The following CFAP46 variants were observed in gnomAD, a reference collection of about 807,000 sequenced individuals.
CFAP46 encodes the protein cilia- and flagella-associated protein 46.
Under a neutral mutation model 325.7 loss-of-function variants are expected in CFAP46, and 245 were observed. That is an observed-to-expected ratio of 0.75 (90% confidence interval 0.68 to 0.84). The LOEUF (loss-of-function observed/expected upper bound fraction) is 0.84, where lower values mean the gene tolerates loss of function less well. Ranked by LOEUF, CFAP46 falls within the 40% of genes least tolerant of loss-of-function variation. The pLI, the probability that CFAP46 is intolerant of heterozygous loss-of-function variation, is 0.00. For synonymous variants in CFAP46, 1,523 were observed against 1,495.9 expected (o/e 1.02, Z -0.42); for missense variants, 3,346 against 3,543.0 (o/e 0.94, Z 1.41).
At chr10:132,821,624 G>C (rs1847833468) in intron 50 of CFAP46, among the ~76,000 whole-genome samples, 2 of 139,246 alleles carry the variant, frequency 1.4e-5, no homozygotes, top group Non-Finnish European at 3.1e-5. Context: ...GATGTGTGCT[G>C]TGTGTGTGCT....
At chr10:132,900,358 C>T (rs1451825762) in intron 22 of CFAP46, among the ~76,000 whole-genome samples, 1 of 152,238 alleles carries the variant, frequency 6.6e-6, no homozygotes, top group Non-Finnish European at 1.5e-5. Flanking sequence ...TTCGCTGCTC[C>T]AGGGCTGCCG....
chr10:132,864,285 C>CA lies in CFAP46; in HGVS notation c.4890+1739_4890+1740insT, dbSNP rs1564783559. ...TCTGAGACCTGCACACACCTGTCCCCCTGCCTGAGACCTGTACACACCTGT... is the reference window on the plus strand; with the variant it reads ...TCTGAGACCTGCACACACCTGTCCCCACTGCCTGAGACCTGTACACACCTGT... On this transcript the variant is annotated intron_variant, in intron 35 of 57. Transcript: ENST00000368586. Among the ~76,000 whole-genome samples the CA allele has an allele frequency of 2.3e-3, 303 of 129,054 alleles. 2 individuals are homozygous for CA. Among genetic ancestry groups the CA allele is most frequent in the Non-Finnish European group, 4.2e-3 (241 of 57,150 alleles). 84.7% of individuals were successfully genotyped at this position (129,054 alleles called of 152,430 possible).
At chr10:132,821,855 G>A (rs1435467842) in intron 50 of CFAP46, among the ~76,000 whole-genome samples, 1 of 146,446 alleles carries the variant, frequency 6.8e-6, no homozygotes, top group Non-Finnish European at 1.5e-5. Context: ...GAGCGCTGAT[G>A]TGTGCTGTGT....
At chr10:132,848,413 C>T (rs994335498) in intron 41 of CFAP46, among the ~76,000 whole-genome samples, 3 of 152,162 alleles carry the variant, frequency 2.0e-5, no homozygotes, top group Non-Finnish European at 4.4e-5. Context: ...AACCAAGCTG[C>T]GGCAGCACTG....
intron 50 of CFAP46, among the ~76,000 whole-genome samples, chr10:132,815,395 C>T (rs751537331): frequency 3.3e-5 from 5 of 152,208 alleles, no homozygotes; most frequent in African/African-American, 7.2e-5. Flanking sequence ...CAGCAGACAG[C>T]GGAATGGACG....
intron 34 of CFAP46, among the ~76,000 whole-genome samples, chr10:132,866,755 A>G (rs755238682): frequency 9.9e-5 from 15 of 152,232 alleles, no homozygotes; most frequent in South Asian, 8.3e-4. Flanking sequence ...GCCAGGTCAC[A>G]GGAAGCATGG....
intron 27 of CFAP46, among the ~76,000 whole-genome samples, chr10:132,882,828 G>A (rs1252201297): frequency 6.6e-6 from 1 of 152,036 alleles, no homozygotes; most frequent in Non-Finnish European, 1.5e-5. Context: ...CAGCTGTGGA[G>A]GCCGATGGTG....
rs749794959 is a variant in CFAP46 at position 132,934,725 on chromosome 10, T to A, written c.866+27A>T. 4.4e-6 allele frequency: 6 copies of A among 1,371,240 alleles called. No homozygotes were observed. The East Asian group carries it at 1.1e-4, about 26-fold the overall frequency. The allele number at this position is 1,371,240 out of a possible 1,614,324, so 84.9% of individuals were successfully genotyped here. A position where few individuals can be genotyped will look rare whatever the true frequency, so the allele number is the denominator to read the frequency against. On this transcript the variant is annotated intron_variant, in intron 8 of 57. Transcript: ENST00000368586. ...ATTTTGTACAACGATTATGAAGATG[T>A]GATATTGGAAAAATACAAACACTTA...
intron 17 of CFAP46, among the ~76,000 whole-genome samples, chr10:132,915,035 C>T (rs145304557): frequency 0.014 from 2,136 of 152,396 alleles, 31 homozygotes; most frequent in Non-Finnish European, 0.023. Flanking sequence ...AGGGTCTGTC[C>T]GTCCCGCTAG....
At position 132,872,755 on chromosome 10, in the gene CFAP46, C is replaced by A. The variant is rs1166916994; in HGVS notation, c.4432G>T (p.Val1478Phe). 7 of 1,550,874 alleles carry A rather than the reference C, an allele frequency of 4.5e-6. No homozygotes were observed. The highest frequency in any genetic ancestry group is 5.2e-6 in the Non-Finnish European group (6 of 1,147,088). ...LQKMCLHELT[V>F]PVLQLGVLIS... ...AGCACCCCCAACTGCAGGACGGGAA[C>A]CGTGAGTTCGTGCAGGCACATCTTC... The change falls in exon 32 of 58, where the codon GTT becomes TTT. Residue 1478 changes from valine (V) to phenylalanine (F), a missense_variant. Val to Phe is a conservative substitution (Grantham distance 50). Transcript: ENST00000368586.
At chr10:132,836,069 T>A in intron 46 of CFAP46, 73 bp downstream of exon 46, 2 of 740,056 alleles carry the variant, frequency 2.7e-6, no homozygotes, top group Non-Finnish European at 3.9e-6. Context: ...GACACAGCCC[T>A]GCTCACCTCC....
chr10:132,822,998 T>TGC (rs1847912601), intron 50 of CFAP46, among the ~76,000 whole-genome samples: 1 of 139,912 alleles, frequency 7.1e-6, no homozygotes, highest in Non-Finnish European at 1.5e-5. Context: ...GCTGTGTGTG[T>TGC]GCTGATGTGT....
rs1248643314 is a variant in CFAP46, at chr10:132,832,107, C to A, written c.7117+1251G>T. Among the ~76,000 whole-genome samples the A allele has an allele frequency of 6.6e-6, 1 of 152,134 alleles. No individual in the cohort carries two copies. Among genetic ancestry groups the A allele is most frequent in the Non-Finnish European group, 1.5e-5 (1 of 68,008 alleles). ...TAAAACCCCATACCATTATTATTGT[C>A]TTTTGCTCTAAGCTTTTTGCTCAAA... On this transcript the variant is annotated intron_variant, in intron 50 of 57. Coordinates refer to ENST00000368586, the MANE Select transcript of CFAP46 (RefSeq NM_001200049.3). The surrounding 1 kb of genome is among the most constrained non-coding windows in gnomAD (Gnocchi z 4.1).
chr10:132,936,665 C>G (rs951440320), intron 7 of CFAP46, among the ~76,000 whole-genome samples: 1 of 148,634 alleles, frequency 6.7e-6, no homozygotes. Flanking sequence ...CATCCAAACA[C>G]ACCATGATCT....
intron 26 of CFAP46, 71 bp from the exon 27 acceptor site, chr10:132,885,357 C>A (rs1301888473): frequency 3.6e-6 from 5 of 1,403,098 alleles, no homozygotes; most frequent in Non-Finnish European, 4.8e-6. Flanking sequence ...GTGATGCAGC[C>A]CGGACTTATT....
rs1849097322 is a variant in CFAP46 at position 132,884,798 on chromosome 10, G to A, written c.3627+305C>T. 6.6e-6 allele frequency among the ~76,000 whole-genome samples: 1 copy of A among 152,062 alleles called. No individual in the cohort carries two copies. The highest frequency in any genetic ancestry group is 2.4e-5 in the African/African-American group (1 of 41,418). On this transcript the variant is annotated intron_variant, in intron 27 of 57. Coordinates refer to ENST00000368586, the MANE Select transcript of CFAP46 (RefSeq NM_001200049.3). The surrounding 1 kb of genome is among the most constrained non-coding windows in gnomAD (Gnocchi z 5.4). Reference sequence around the variant, plus strand: ...CCCATCGGGGCCCTGGTGCCACCAGGGGAGCCTGGGCGCTTCCACTTGGGG... The same window carrying A: ...CCCATCGGGGCCCTGGTGCCACCAGAGGAGCCTGGGCGCTTCCACTTGGGG...
chr10:132,833,966 G>C, intron 49 of CFAP46, 75 bp downstream of exon 49: 1 of 1,400,422 alleles, frequency 7.1e-7, no homozygotes, highest in Admixed American at 1.7e-5. Context: ...TCCCGGATGG[G>C]TGGGTGGATC....
At chr10:132,912,526 CA>C (rs2135548905) in intron 19 of CFAP46, 128 bp downstream of exon 19, 1 of 790,604 alleles carries the variant, frequency 1.3e-6, no homozygotes, top group Non-Finnish European at 1.8e-6. Flanking sequence ...TCTCTCTCTT[CA>C]CCTCTCTCCT....
Position 132,869,652 on chromosome 10 carries a change from C to T in CFAP46, c.4512-280G>A, listed in dbSNP as rs1182455475. Among the ~76,000 whole-genome samples the T allele has an allele frequency of 6.6e-6, 1 of 152,170 alleles. No homozygotes were observed. The highest frequency in any genetic ancestry group is 1.5e-5 in the Non-Finnish European group (1 of 68,030). On this transcript the variant is annotated intron_variant, in intron 32 of 57. Transcript: ENST00000368586. The surrounding 1 kb of genome is among the most constrained non-coding windows in gnomAD (Gnocchi z 6.2). ...CCGTCCGAGGAGAAGAGGAGGCCCT[C>T]AGGTGGGCTCAGCACCCACCACAAT...
Sources: gnomAD v4.1 joint callset for allele counts (sites outside exome capture counted in the v4.1 genomes callset) on GRCh38, gnomAD v4.1.1 for gene constraint, Gnocchi (gnomAD v3.1) non-coding constraint, MANE v1.5 for transcripts, NCBI Gene and HGNC (gene_info 2026-07-23, HGNC 2026-07-21) for gene names.